CX3CR1: variants seen among roughly 807,000 people sequenced by gnomAD.
CX3CR1 encodes C-X3-C motif chemokine receptor 1.
For missense variants in CX3CR1, 363 were observed against 432.4 expected (o/e 0.84, Z 1.42); for synonymous variants, 168 against 178.5 (o/e 0.94, Z 0.47).
In CX3CR1 at chr3:39,265,668, A is replaced by G. The variant is rs747990309; in HGVS notation, c.842T>C (p.Val281Ala). 1.2e-6 allele frequency: 2 copies of G among 1,614,106 alleles called. No homozygotes were observed. The highest frequency in any genetic ancestry group is 1.7e-6 in the Non-Finnish European group (2 of 1,180,052). Reference sequence around the variant, plus strand: ...ATTCAGGCAACAATGGCTAAATGCAACCGTCTCAGTCACACTGAGGGCCAG... The same window carrying G: ...ATTCAGGCAACAATGGCTAAATGCAGCCGTCTCAGTCACACTGAGGGCCAG... ...LRLALSVTET[V>A]AFSHCCLNPL... Residue 281 changes from valine (V) to alanine (A), a missense_variant, in exon 2 of 2, where the codon GTT becomes GCT. Val to Ala is a moderately conservative substitution (Grantham distance 64). Transcript: ENST00000399220.
intron 1 of CX3CR1, among the ~76,000 whole-genome samples, chr3:39,275,120 T>A (rs950027411): frequency 6.6e-6 from 1 of 152,174 alleles, no homozygotes; most frequent in Admixed American, 6.5e-5. Context: ...CCTCAGCCTC[T>A]CAAAGTGCTG....
upstream of CX3CR1, chr3:39,286,693 C>A (rs971114904): frequency 5.3e-5 from 8 of 150,318 alleles, no homozygotes; most frequent in African/African-American, 2.0e-4. Context: ...ATAATTGGAC[C>A]ACAAATGAAG....
At chr3:39,281,696 C>T, upstream of CX3CR1, 1 of 1,597,726 alleles carries the variant, frequency 6.3e-7, no homozygotes, top group Non-Finnish European at 8.5e-7. Flanking sequence ...GTTCTCTCAT[C>T]CTGGTTTAAG....
chr3:39,265,278 C>G lies in CX3CR1; in HGVS notation c.*164G>C. 1 of 642,470 alleles carries G rather than the reference C, an allele frequency of 1.6e-6. No homozygotes were observed. Among genetic ancestry groups the G allele is most frequent in the South Asian group, 2.5e-5 (1 of 39,408 alleles). The allele number at this position is 642,470 out of a possible 1,614,324, so 39.8% of individuals were successfully genotyped here. A position where few individuals can be genotyped will look rare whatever the true frequency, so the allele number is the denominator to read the frequency against. On this transcript the variant is annotated 3_prime_UTR_variant, in exon 2 of 2. Coordinates refer to ENST00000399220, the MANE Select transcript of CX3CR1 (RefSeq NM_001337.4). ...CAAAGAGTTCAATTTGTTCATTCTT[C>G]AAATTTTGAGCACAATTCTCAACAA...
intron 1 of CX3CR1, among the ~76,000 whole-genome samples, chr3:39,268,546 G>A (rs2040732397): frequency 6.6e-6 from 1 of 152,164 alleles, no homozygotes; most frequent in Non-Finnish European, 1.5e-5. Flanking sequence ...TAGGGACCCT[G>A]GAGCTAGCTA....
Position 39,266,179 on chromosome 3 carries a change from T to A in CX3CR1, c.331A>T (p.Ile111Phe). The stretch of plus-strand genomic sequence containing the variant: ...AAGAATATGCTTCCAAAAAAGCCGA[T>A]GAAGAAGAAGGCGGTAGTGAATTTG... ...MCKFTTAFFF[I>F]GFFGSIFFIT... is the part of the protein sequence containing the mutation. Residue 111 changes from isoleucine to phenylalanine, a missense_variant, in exon 2 of 2, where the codon ATC becomes TTC. Coordinates refer to ENST00000399220, the MANE Select transcript of CX3CR1 (RefSeq NM_001337.4). 3 of 1,614,178 alleles carry A rather than the reference T, an allele frequency of 1.9e-6. No homozygotes were observed. Among genetic ancestry groups the A allele is most frequent in the Non-Finnish European group, 2.5e-6 (3 of 1,180,032 alleles).
At position 39,265,335 on chromosome 3, in the gene CX3CR1, C is replaced by T; in HGVS notation, c.*107G>A. 5.0e-6 allele frequency: 6 copies of T among 1,192,356 alleles called. No individual in the cohort carries two copies. Among genetic ancestry groups the T allele is most frequent in the Non-Finnish European group, 7.1e-6 (6 of 846,914 alleles). The allele number at this position is 1,192,356 out of a possible 1,614,324, so 73.9% of individuals were successfully genotyped here. On this transcript the variant is annotated 3_prime_UTR_variant, in exon 2 of 2. Coordinates refer to ENST00000399220, the MANE Select transcript of CX3CR1 (RefSeq NM_001337.4). ...AGGGTTGTTTTGTGTGCATTGGGTCCATCATTTTGTGCCTGTAAGAAATAA... is the reference window on the plus strand; with the variant it reads ...AGGGTTGTTTTGTGTGCATTGGGTCTATCATTTTGTGCCTGTAAGAAATAA...
intron 1 of CX3CR1, among the ~76,000 whole-genome samples, chr3:39,274,613 G>T (rs1487178783): frequency 4.6e-5 from 7 of 151,216 alleles, no homozygotes; most frequent in Non-Finnish European, 7.4e-5. Context: ...ATACTTTATG[G>T]TATTTATTTA....
At chr3:39,280,164 C>G (rs750681020), upstream of CX3CR1, 1 of 980,996 alleles carries the variant, frequency 1.0e-6, no homozygotes, top group Non-Finnish European at 1.2e-6. Flanking sequence ...GGCCAGCTGC[C>G]AACAGGAGGG....
chr3:39,276,676 G>T (rs549039682), intron 1 of CX3CR1, among the ~76,000 whole-genome samples: 5 of 152,290 alleles, frequency 3.3e-5, no homozygotes, highest in African/African-American at 1.2e-4. Context: ...TTGCTAGTTT[G>T]GACAATGTTG....
At chr3:39,291,497 T>G in the CX3CR1 span, among the ~76,000 whole-genome samples, 1 of 152,208 alleles carries the variant, frequency 6.6e-6, no homozygotes, top group Non-Finnish European at 1.5e-5. Flanking sequence ...CTCAAAATCC[T>G]CTTTGGAAAA....
rs773508118 is a variant in CX3CR1, at chr3:39,265,945, C to G, written c.565G>C (p.Val189Leu). Residue 189 changes from valine to leucine, a missense_variant, in exon 2 of 2, where the codon GTG becomes CTG. By Grantham distance (32) the Val-to-Leu change is conservative. Coordinates refer to ENST00000399220, the MANE Select transcript of CX3CR1 (RefSeq NM_001337.4). ...YPEVLQEIWP[V>L]LRNVETNFLG... ...AAATTTGTTTCCACATTGCGGAGCACGGGCCAGATTTCCTGGAGGACCTCG... is the reference window on the plus strand; with the variant it reads ...AAATTTGTTTCCACATTGCGGAGCAGGGGCCAGATTTCCTGGAGGACCTCG... 2.5e-6 allele frequency: 4 copies of G among 1,614,146 alleles called. No homozygotes were observed. The highest frequency in any genetic ancestry group is 2.5e-6 in the Non-Finnish European group (3 of 1,180,012).
the CX3CR1 span, chr3:39,287,501 T>G: frequency 6.6e-6 from 1 of 152,166 alleles, no homozygotes; most frequent in Admixed American, 6.6e-5. Context: ...AAGAGCCAAA[T>G]GGAGATGCCA....
Position 39,265,631 on chromosome 3 carries a change from ATAG to A in CX3CR1, c.876_878del (p.Tyr293del). 1 of 1,614,266 alleles carries A rather than the reference ATAG, an allele frequency of 6.2e-7. No homozygotes were observed. The highest frequency in any genetic ancestry group is 8.5e-7 in the Non-Finnish European group (1 of 1,180,054). On this transcript the variant is annotated inframe_deletion, in exon 2 of 2. Coordinates refer to ENST00000399220, the MANE Select transcript of CX3CR1 (RefSeq NM_001337.4). Reference sequence around the variant, plus strand: ...TTCTGAACTTCTCCCCAGCAAATGCATAGATGAGAGGATTCAGGCAACAATGGC... The same window carrying A: ...TTCTGAACTTCTCCCCAGCAAATGCAATGAGAGGATTCAGGCAACAATGGC...
At chr3:39,291,872 A>G in the CX3CR1 span, among the ~76,000 whole-genome samples, 1 of 152,218 alleles carries the variant, frequency 6.6e-6, no homozygotes, top group Admixed American at 6.5e-5. Context: ...CTGTTTCTCT[A>G]AGAGTCACTG....
At chr3:39,278,428 C>T (rs897921060) in intron 1 of CX3CR1, among the ~76,000 whole-genome samples, 1 of 152,300 alleles carries the variant, frequency 6.6e-6, no homozygotes, top group Middle Eastern at 3.4e-3. Flanking sequence ...CCATTCCCAA[C>T]CCACAGTGGT....
chr3:39,265,841 G>A lies in CX3CR1; in HGVS notation c.669C>T (p.Asn223=), dbSNP rs765623786. Residue 223 remains asparagine, a synonymous_variant, in exon 2 of 2, where the codon AAC becomes AAT. Transcript: ENST00000399220. ...RIIQTLFSCK[N]HKKAKAIKLI... is the part of the protein sequence containing the mutation. ...GTTTAATGGCTTTGGCTTTCTTGTG[G>A]TTCTTGCAGGAAAACAGCGTCTGGA... The A allele has an allele frequency of 2.5e-6, 4 of 1,614,220 alleles. No individual in the cohort carries two copies. The highest frequency in any genetic ancestry group is 1.7e-5 in the Admixed American group (1 of 60,030).
At chr3:39,283,838 T>A (rs1368263606), upstream of CX3CR1, among the ~76,000 whole-genome samples, 1 of 114,082 alleles carries the variant, frequency 8.8e-6, no homozygotes, top group African/African-American at 3.3e-5. Context: ...TATATATATA[T>A]ATAATGTGGT....
intron 1 of CX3CR1, among the ~76,000 whole-genome samples, chr3:39,270,443 T>C (rs1278868815): frequency 6.6e-6 from 1 of 152,172 alleles, no homozygotes; most frequent in Non-Finnish European, 1.5e-5. Context: ...ATTAATGGAA[T>C]ACCAAGCAGC....
Sources: allele counts gnomAD v4.1 joint callset (sites outside exome capture counted in the v4.1 genomes callset), GRCh38; gene constraint gnomAD v4.1.1; transcripts MANE v1.5; gene names NCBI Gene and HGNC (gene_info 2026-07-23, HGNC 2026-07-21).